The following RGS6 variants were observed in gnomAD, a reference collection of about 807,000 sequenced individuals.
RGS6 encodes regulator of G protein signaling 6, also known as regulator of G-protein signaling 6.
In RGS6, 30 loss-of-function variants were observed where a neutral mutation model predicts 78.5. That is an observed-to-expected ratio of 0.38 (90% CI 0.29 to 0.52). The LOEUF is 0.52. RGS6 is among the 20% of genes least tolerant of loss of function. The pLI is 0.85. For missense variants in RGS6, 495 were observed against 609.7 expected, an observed-to-expected ratio of 0.81 and a Z score of 1.98; for synonymous variants, 206 against 206.0, an observed-to-expected ratio of 1.00 and a Z score of 0.00.
At chr14:72,179,817 C>G (rs1037383046) in intron 2 of RGS6, among the ~76,000 whole-genome samples, 1 of 152,096 alleles carries the variant, frequency 6.6e-6, no homozygotes, top group African/African-American at 2.4e-5. Flanking sequence ...ATTATTGGGT[C>G]CCACCCCAGA....
intron 1 of RGS6, among the ~76,000 whole-genome samples, chr14:71,960,587 G>C (rs912681501): frequency 8.5e-5 from 13 of 152,216 alleles, no homozygotes; most frequent in African/African-American, 2.9e-4. Context: ...CCCTGCCTAT[G>C]AAGAACTGAC....
At chr14:72,577,957 G>A in the RGS6 span, among the ~76,000 whole-genome samples, 238 of 152,342 alleles carry the variant, frequency 1.6e-3, 3 homozygotes, top group South Asian at 0.018. Flanking sequence ...GCAGAGTGCA[G>A]AGGCTGCATG....
At chr14:72,065,865 G>A (rs922394858) in intron 2 of RGS6, among the ~76,000 whole-genome samples, 1 of 151,808 alleles carries the variant, frequency 6.6e-6, no homozygotes, top group Non-Finnish European at 1.5e-5. Context: ...CTGGTGTGCT[G>A]CACCCACTAA....
chr14:71,981,598 G>GGGGGTCA (rs1306040022), intron 2 of RGS6, among the ~76,000 whole-genome samples: 1 of 151,828 alleles, frequency 6.6e-6, no homozygotes. Flanking sequence ...TAGGCTGCTC[G>GGGGGTCA]GGGGTCAGGG....
rs574341409 is a variant in RGS6 at position 72,071,656 on chromosome 14, T to C, written c.84+106781T>C. On this transcript the variant is annotated intron_variant, in intron 2 of 17. Transcript: ENST00000553525. ...TAACTTGTTTTTTAAAATTAACATA[T>C]CTATGTGCATATTCGTAGTCATACA... 9.8e-5 allele frequency among the ~76,000 whole-genome samples: 15 copies of C among 152,342 alleles called. No homozygotes were observed. In the South Asian group the frequency reaches 3.1e-3, roughly 32 times the overall value.
intron 3 of RGS6, among the ~76,000 whole-genome samples, chr14:72,440,901 T>C (rs997416736): frequency 2.0e-5 from 3 of 152,148 alleles, no homozygotes; most frequent in African/African-American, 7.2e-5. Flanking sequence ...TCTATGCACA[T>C]GCGCAGGTGT....
At chr14:72,160,171 C>G (rs191809549) in intron 2 of RGS6, among the ~76,000 whole-genome samples, 200 of 152,286 alleles carry the variant, frequency 1.3e-3, no homozygotes, top group African/African-American at 4.7e-3. Context: ...AGCTAAACCT[C>G]TTCCCTGGGC....
chr14:72,538,739 CAAG>C lies in RGS6; in HGVS notation c.1369-1296_1369-1294del, dbSNP rs2097282392. 2.0e-5 allele frequency among the ~76,000 whole-genome samples: 3 copies of C among 152,342 alleles called. 1 individual carries two copies. In the South Asian group the frequency reaches 6.2e-4, roughly 32 times the overall value. ...AGCATGAGTCCTTCAGTTCCTAGTA[CAAG>C]AAGAAAGGCCAGCCCAACTCTGTGG... On this transcript the variant is annotated intron_variant, in intron 16 of 17. Coordinates refer to ENST00000553525, the MANE Select transcript of RGS6 (RefSeq NM_001204424.2).
intron 2 of RGS6, among the ~76,000 whole-genome samples, chr14:72,274,808 C>G (rs1460038934): frequency 1.3e-5 from 2 of 152,196 alleles, no homozygotes; most frequent in African/African-American, 4.8e-5. Context: ...GACCTCACCC[C>G]TGCCAACTCA....
At chr14:72,354,024 A>G (rs1343041808) in intron 3 of RGS6, among the ~76,000 whole-genome samples, 4 of 151,982 alleles carry the variant, frequency 2.6e-5, no homozygotes, top group Non-Finnish European at 5.9e-5. Flanking sequence ...GGAACAGCAC[A>G]CACACACACG....
At chr14:72,439,429 C>A (rs567981660) in intron 3 of RGS6, among the ~76,000 whole-genome samples, 1 of 152,204 alleles carries the variant, frequency 6.6e-6, no homozygotes, top group Admixed American at 6.5e-5. Flanking sequence ...AGAGGTGATG[C>A]GTGTGAGGCC....
intron 2 of RGS6, among the ~76,000 whole-genome samples, chr14:72,275,456 A>G (rs560407259): frequency 5.3e-5 from 8 of 152,352 alleles, no homozygotes; most frequent in African/African-American, 1.4e-4. Context: ...ACAAAGCTTC[A>G]TGGGCCATTG....
chr14:72,556,085 T>C (rs1196385406), intron 17 of RGS6, among the ~76,000 whole-genome samples: 1 of 151,142 alleles, frequency 6.6e-6, no homozygotes, highest in African/African-American at 2.4e-5. Flanking sequence ...AACTCTTCTT[T>C]TGTAGATTCA....
intron 2 of RGS6, among the ~76,000 whole-genome samples, chr14:72,241,855 A>G (rs1217373804): frequency 1.3e-5 from 2 of 152,248 alleles, no homozygotes; most frequent in African/African-American, 4.8e-5. Context: ...TTTCCAGTCC[A>G]CTAGAAACAT....
chr14:71,967,915 CTTTTCATG>C (rs1189493821), intron 2 of RGS6, among the ~76,000 whole-genome samples: 1 of 152,130 alleles, frequency 6.6e-6, no homozygotes, highest in Non-Finnish European at 1.5e-5. Flanking sequence ...TCTTCATTTC[CTTTTCATG>C]TTTTCATGTC....
intron 2 of RGS6, among the ~76,000 whole-genome samples, chr14:72,348,576 C>A (rs2681744): frequency 0.54 from 82,309 of 151,960 alleles, 24,552 homozygotes; most frequent in African/African-American, 0.81. Flanking sequence ...GGACTGTGCT[C>A]AAGAATCAAA....
At chr14:72,225,948 G>A (rs1396675722) in intron 2 of RGS6, among the ~76,000 whole-genome samples, 1 of 152,114 alleles carries the variant, frequency 6.6e-6, no homozygotes, top group Non-Finnish European at 1.5e-5. Context: ...TATGCTTATA[G>A]CCATTAACAT....
chr14:72,187,754 A>G (rs1203972265), intron 2 of RGS6, among the ~76,000 whole-genome samples: 1 of 152,088 alleles, frequency 6.6e-6, no homozygotes, highest in African/African-American at 2.4e-5. Flanking sequence ...GAAATGGGGG[A>G]AATCATAAAA....
At chr14:72,014,650 T>A (rs919436111) in intron 2 of RGS6, among the ~76,000 whole-genome samples, 1 of 152,252 alleles carries the variant, frequency 6.6e-6, no homozygotes, top group Non-Finnish European at 1.5e-5. Context: ...TTTGAAATGA[T>A]GAAATAGTCC....
Sources: gnomAD v4.1 joint callset for allele counts (sites outside exome capture counted in the v4.1 genomes callset) on GRCh38, gnomAD v4.1.1 for gene constraint, MANE v1.5 for transcripts, NCBI Gene and HGNC (gene_info 2026-07-23, HGNC 2026-07-21) for gene names.